Variants in APOH observed in about 807,000 individuals in gnomAD.
APOH encodes apolipoprotein H.
A neutral mutation model predicts 39.8 loss-of-function variants in APOH; 48 were observed. The observed-to-expected ratio is 1.21, with a 90% CI of 0.96 to 1.54. APOH has a LOEUF of 1.54. Ranked by LOEUF, APOH falls within the 40% of genes most tolerant of loss-of-function variation. APOH has a pLI of 0.00. For synonymous variants in APOH, 153 were observed against 151.1 expected, an observed-to-expected ratio of 1.01 and a Z score of -0.09; for missense variants, 415 against 421.2, an observed-to-expected ratio of 0.99 and a Z score of 0.13.
intron 3 of APOH, among the ~76,000 whole-genome samples, chr17:66,224,097 C>G (rs527745172): frequency 1.3e-5 from 2 of 152,280 alleles, no homozygotes; most frequent in African/African-American, 4.8e-5. Flanking sequence ...CAAAAGTGAA[C>G]CAAACTGAGT....
chr17:66,223,731 C>A lies in APOH; in HGVS notation c.382G>T (p.Gly128Ter), dbSNP rs867737026. ...ACAGGAAGCTCCGGGCTCCATTTTCCTTCCTCAGTGCACTTGGCAGAATCA... is the reference window on the plus strand; with the variant it reads ...ACAGGAAGCTCCGGGCTCCATTTTCATTCCTCAGTGCACTTGGCAGAATCA... ...GADSAKCTEE[G>*]KWSPELPVCA... Residue 128 changes from glycine (G) to a stop codon, truncating the protein, a stop_gained, in exon 4 of 8, where the codon GGA becomes TGA. Coordinates refer to ENST00000205948, the MANE Select transcript of APOH (RefSeq NM_000042.3). LOFTEE classifies it high-confidence loss of function. The A allele has an allele frequency of 6.2e-7, 1 of 1,614,208 alleles. No individual in the cohort carries two copies. Among genetic ancestry groups the A allele is most frequent in the Non-Finnish European group, 8.5e-7 (1 of 1,180,046 alleles).
At chr17:66,214,843 A>G (rs984031737) in intron 6 of APOH, among the ~76,000 whole-genome samples, 193 bp from the exon 7 acceptor site, 1 of 151,932 alleles carries the variant, frequency 6.6e-6, no homozygotes, top group Non-Finnish European at 1.5e-5. Flanking sequence ...ACCATTATTC[A>G]TAGCTTCCAA....
In APOH at chr17:66,212,111, T is replaced by A. The variant is rs190137879; in HGVS notation, c.*22A>T. ...TGAACAAGAAACAAGTGTGACATTT[T>A]GTGTGGAATCTGAAAACCACCTTAG... is the stretch of plus-strand genomic sequence containing the variant. On this transcript the variant is annotated 3_prime_UTR_variant, in exon 8 of 8. Coordinates refer to ENST00000205948, the MANE Select transcript of APOH (RefSeq NM_000042.3). 7.1e-3 allele frequency: 11,421 copies of A among 1,602,126 alleles called. 56 individuals carry two copies. Among genetic ancestry groups the A allele is most frequent in the Non-Finnish European group, 8.1e-3 (9,446 of 1,169,688 alleles).
intron 7 of APOH, among the ~76,000 whole-genome samples, chr17:66,213,649 A>G (rs1436772799): frequency 6.6e-6 from 1 of 152,192 alleles, no homozygotes; most frequent in Non-Finnish European, 1.5e-5. Context: ...GAAAAGACTT[A>G]GAAAAGAGGC....
chr17:66,219,177 G>A (rs1296955686), intron 5 of APOH, among the ~76,000 whole-genome samples: 4 of 152,064 alleles, frequency 2.6e-5, no homozygotes, highest in African/African-American at 9.7e-5. Context: ...TGATATCGTT[G>A]TTGTTATGTT....
rs1046469101 is a variant in APOH at position 66,224,483 on chromosome 17, AAAAAAAAAG to A, written c.339-718_339-710del. On this transcript the variant is annotated intron_variant, in intron 3 of 7. Coordinates refer to ENST00000205948, the MANE Select transcript of APOH (RefSeq NM_000042.3). ...AGGAAGATCCTGTAAAAAAAAAAAA[AAAAAAAAAG>A]AAAAGAAAAGAAGGAAAGGAAGGAA... 1.2e-4 allele frequency among the ~76,000 whole-genome samples: 18 copies of A among 146,210 alleles called. 1 individual carries two copies. The South Asian group carries it at 1.7e-3, about 14-fold the overall frequency.
intron 2 of APOH, 79 bp downstream of exon 2, chr17:66,227,941 C>T: frequency 6.8e-7 from 1 of 1,477,966 alleles, no homozygotes; most frequent in Non-Finnish European, 9.2e-7. Context: ...GCACTCTGAG[C>T]ATGACGAGGT....
intron 7 of APOH, among the ~76,000 whole-genome samples, chr17:66,213,943 A>G (rs372572392): frequency 2.6e-5 from 4 of 152,110 alleles, no homozygotes; most frequent in East Asian, 1.9e-4. Flanking sequence ...CTCAAAAAAA[A>G]AAAAAATTGG....
chr17:66,215,907 G>A (rs920794301), intron 6 of APOH, among the ~76,000 whole-genome samples: 3 of 152,188 alleles, frequency 2.0e-5, no homozygotes, highest in African/African-American at 7.2e-5. Flanking sequence ...AGGAGTATCA[G>A]TTGTATTTCA....
At chr17:66,222,499 C>T (rs118017631) in intron 4 of APOH, among the ~76,000 whole-genome samples, 5,231 of 150,326 alleles carry the variant, frequency 0.035, 129 homozygotes, top group Middle Eastern at 0.065. Context: ...CCTTTAAAAA[C>T]TTTCGTTTTT....
rs374613481 is a variant in APOH, at chr17:66,220,626, G to T, written c.532C>A (p.His178Asn). Residue 178 changes from histidine to asparagine, a missense_variant, in exon 5 of 8, where the codon CAT (histidine) becomes AAT (asparagine). By Grantham distance (68) the His-to-Asn change is moderately conservative. This residue lies in a region of APOH where 288 missense variants were observed against 284.9 expected (regional missense o/e 1.01). Coordinates refer to ENST00000205948, the MANE Select transcript of APOH (RefSeq NM_000042.3). ...ATTGTATCATTTCCAAACATCGCAT[G>T]TTGTGGCAAACATTCAAAAACTGCT... Reference protein sequence around the residue: ...DTAVFECLPQHAMFGNDTITC... With the variant: ...DTAVFECLPQNAMFGNDTITC... 1.9e-6 allele frequency: 3 copies of T among 1,614,156 alleles called. No individual in the cohort carries two copies. In the Admixed American group the frequency reaches 5.0e-5, roughly 27 times the overall value.
chr17:66,225,429 C>G (rs1189542771), intron 3 of APOH, among the ~76,000 whole-genome samples: 1 of 152,188 alleles, frequency 6.6e-6, no homozygotes, highest in Non-Finnish European at 1.5e-5. Flanking sequence ...GAATTCTCTT[C>G]TAGAGACTAC....
At position 66,226,095 on chromosome 17, in the gene APOH, C is replaced by G. The variant is rs769370693; in HGVS notation, c.271G>C (p.Glu91Gln). Residue 91 changes from glutamate (E) to glutamine (Q), a missense_variant, in exon 3 of 8, where the codon GAA becomes CAA. Physicochemically the swap from Glu to Gln is conservative, Grantham distance 29. Coordinates refer to ENST00000205948, the MANE Select transcript of APOH (RefSeq NM_000042.3). ...PRVCPFAGIL[E>Q]NGAVRYTTFE... ...GTCGTATAGCGTACGGCTCCATTTT[C>G]TAAGATTCCAGCAAAAGGACATACT... The G allele has an allele frequency of 6.2e-7, 1 of 1,613,122 alleles. No individual in the cohort carries two copies. Among genetic ancestry groups the G allele is most frequent in the Non-Finnish European group, 8.5e-7 (1 of 1,179,540 alleles).
chr17:66,220,428 A>T, intron 5 of APOH, 126 bp downstream of exon 5: 1 of 862,586 alleles, frequency 1.2e-6, no homozygotes. Flanking sequence ...GGCACATGGT[A>T]GATGCTCAAT....
intron 3 of APOH, 147 bp downstream of exon 3, chr17:66,225,876 CAAAAA>C: frequency 2.3e-6 from 1 of 428,168 alleles, no homozygotes; most frequent in East Asian, 3.8e-5. Flanking sequence ...GACTCCGTCT[CAAAAA>C]AAAAAAAAAG....
chr17:66,226,358 C>T (rs550631833), intron 2 of APOH, among the ~76,000 whole-genome samples: 123 of 152,290 alleles, frequency 8.1e-4, no homozygotes, highest in African/African-American at 2.7e-3. Flanking sequence ...TTTGGACAGG[C>T]GGGGAGCAGT....
chr17:66,221,241 CAGAA>C (rs907664555), intron 4 of APOH, among the ~76,000 whole-genome samples: 249 of 104,368 alleles, frequency 2.4e-3, no homozygotes, highest in African/African-American at 9.5e-3. Flanking sequence ...TAAATAAAGA[CAGAA>C]AGAAAGAGAG....
intron 7 of APOH, 147 bp downstream of exon 7, chr17:66,214,306 G>A (rs543835100): frequency 1.4e-5 from 10 of 732,976 alleles, no homozygotes; most frequent in South Asian, 3.3e-5. Flanking sequence ...TGATCCACCC[G>A]CCTCAGCCTC....
At chr17:66,215,206 G>A (rs1296918416) in intron 6 of APOH, among the ~76,000 whole-genome samples, 15 of 152,132 alleles carry the variant, frequency 9.9e-5, no homozygotes, top group Non-Finnish European at 2.1e-4. Flanking sequence ...GCTCTTAGTG[G>A]GATTAACTCA....
Sources: allele counts gnomAD v4.1 joint callset (sites outside exome capture counted in the v4.1 genomes callset), GRCh38; gene constraint gnomAD v4.1.1; regional missense constraint gnomAD v4.1.1; transcripts MANE v1.5; gene names NCBI Gene and HGNC (gene_info 2026-07-23, HGNC 2026-07-21).